ADK: variants seen among roughly 807,000 people sequenced by gnomAD.
ADK encodes the protein adenosine kinase.
In ADK, 24 loss-of-function variants were observed where a neutral mutation model predicts 44.7. The observed-to-expected ratio is 0.54, with a 90% CI of 0.39 to 0.76. ADK has a LOEUF of 0.76. ADK is among the 30% of genes least tolerant of loss of function. The pLI is 0.00. For synonymous variants in ADK, 128 were observed against 142.6 expected (o/e 0.90, Z 0.73); for missense variants, 321 against 425.1 (o/e 0.76, Z 2.15).
At chr10:74,653,225 G>A (rs1191595780) in intron 9 of ADK, among the ~76,000 whole-genome samples, 3 of 152,080 alleles carry the variant, frequency 2.0e-5, no homozygotes, top group African/African-American at 7.2e-5. Flanking sequence ...GCTGAGGTGG[G>A]CAGATCACTT....
In ADK at chr10:74,515,298, G is replaced by A. The variant is rs139802004; in HGVS notation, c.556-9958G>A. Among the ~76,000 whole-genome samples, 637 of 152,246 alleles carry A rather than the reference G, an allele frequency of 4.2e-3. 1 individual carries two copies. The highest frequency in any genetic ancestry group is 0.02 in the Middle Eastern group (6 of 294). ...ATGGGCTGAGAGAGTTTGTGGCAAT[G>A]GTGATGCCACTTTGCCAGGGGTGGG... is the stretch of plus-strand genomic sequence containing the variant. On this transcript the variant is annotated intron_variant, in intron 6 of 10. Transcript: ENST00000539909.
chr10:74,485,784 T>G, intron 6 of ADK, among the ~76,000 whole-genome samples: 1 of 152,168 alleles, frequency 6.6e-6, no homozygotes, highest in East Asian at 1.9e-4. Context: ...ACTTAAAATG[T>G]AAATGGAGGT....
intron 1 of ADK, among the ~76,000 whole-genome samples, chr10:74,156,890 C>T (rs957095347): frequency 1.3e-5 from 2 of 152,150 alleles, no homozygotes; most frequent in Non-Finnish European, 2.9e-5. Flanking sequence ...TATAGATATA[C>T]TCAAGAACAA....
chr10:74,236,611 C>T (rs1027358281), intron 3 of ADK, among the ~76,000 whole-genome samples: 3 of 152,134 alleles, frequency 2.0e-5, no homozygotes, highest in Non-Finnish European at 4.4e-5. Flanking sequence ...CAAATCTACC[C>T]TTCATTATCC....
chr10:74,385,121 A>G (rs1280557385), intron 4 of ADK, among the ~76,000 whole-genome samples: 1 of 152,222 alleles, frequency 6.6e-6, no homozygotes, highest in East Asian at 1.9e-4. Flanking sequence ...CTATGTGAAT[A>G]AACAGGAAAC....
intron 3 of ADK, among the ~76,000 whole-genome samples, chr10:74,262,349 A>G (rs1214508143): frequency 6.6e-6 from 1 of 151,162 alleles, no homozygotes; most frequent in Non-Finnish European, 1.5e-5. Flanking sequence ...CTCCTCACAT[A>G]TATTATCTTT....
At chr10:74,613,085 C>T (rs768403384) in intron 9 of ADK, among the ~76,000 whole-genome samples, 1 of 151,992 alleles carries the variant, frequency 6.6e-6, no homozygotes, top group Non-Finnish European at 1.5e-5. Flanking sequence ...TCGTTTTTTG[C>T]TTAGGATTGC....
intron 4 of ADK, among the ~76,000 whole-genome samples, chr10:74,341,984 A>G (rs1317775923): frequency 6.6e-6 from 1 of 152,066 alleles, no homozygotes; most frequent in African/African-American, 2.4e-5. Context: ...AGGAAATTAA[A>G]TTGTTCTTTG....
In ADK at chr10:74,525,239, C is replaced by CT. The variant is rs1322288755; in HGVS notation, c.556-11dup. 1.2e-6 allele frequency: 2 copies of CT among 1,612,598 alleles called. No homozygotes were observed. Among genetic ancestry groups the CT allele is most frequent in the Admixed American group, 3.3e-5 (2 of 59,984 alleles). ...GAGATGGTATTTCTAATTTTCCCTC[C>CT]TTTTTTCTTCATCCAGGGCTTTTTT... On this transcript the variant is annotated splice_polypyrimidine_tract_variant and intron_variant, in intron 6 of 10. Coordinates refer to ENST00000539909, the MANE Select transcript of ADK (RefSeq NM_006721.4).
At chr10:74,402,550 G>A (rs188312800) in intron 6 of ADK, among the ~76,000 whole-genome samples, 2 of 152,120 alleles carry the variant, frequency 1.3e-5, no homozygotes, top group East Asian at 3.9e-4. Context: ...ACTGAAGCTT[G>A]TGCATGTGTC....
At position 74,325,613 on chromosome 10, in the gene ADK, G is replaced by T. The variant is rs11819074; in HGVS notation, c.273+10868G>T. Among the ~76,000 whole-genome samples, 796 of 152,192 alleles carry T rather than the reference G, an allele frequency of 5.2e-3. 12 individuals carry two copies. The highest frequency in any genetic ancestry group is 0.017 in the African/African-American group (722 of 41,520). On this transcript the variant is annotated intron_variant, in intron 4 of 10. Transcript: ENST00000539909. ...TTCCCCATTCAGAATAATAGCTTTGGATTTTTCATATATGGCCTTTATTGT... is the reference window on the plus strand; with the variant it reads ...TTCCCCATTCAGAATAATAGCTTTGTATTTTTCATATATGGCCTTTATTGT...
intron 3 of ADK, among the ~76,000 whole-genome samples, chr10:74,279,747 T>C (rs184143870): frequency 1.1e-3 from 165 of 152,126 alleles, no homozygotes; most frequent in African/African-American, 3.9e-3. Flanking sequence ...TTTAAAAACA[T>C]TTGTGGCCAA....
intron 6 of ADK, among the ~76,000 whole-genome samples, chr10:74,514,938 C>T (rs1161324382): frequency 6.6e-6 from 1 of 152,274 alleles, no homozygotes; most frequent in East Asian, 1.9e-4. Flanking sequence ...GATCCTCCCA[C>T]CTCAACTCCC....
intron 3 of ADK, among the ~76,000 whole-genome samples, chr10:74,272,365 T>C (rs540121816): frequency 2.2e-4 from 34 of 152,160 alleles, no homozygotes; most frequent in Admixed American, 1.3e-3. Context: ...CATGTCAACC[T>C]CCTGGGCTCA....
intron 6 of ADK, among the ~76,000 whole-genome samples, chr10:74,469,653 C>A (rs894308912): frequency 6.6e-6 from 1 of 152,150 alleles, no homozygotes; most frequent in East Asian, 1.9e-4. Flanking sequence ...CATAAGCCAC[C>A]GTGCCCAGTC....
chr10:74,695,616 T>TG (rs796902967), intron 10 of ADK, among the ~76,000 whole-genome samples: 6 of 21,452 alleles, frequency 2.8e-4, no homozygotes, highest in Non-Finnish European at 5.2e-4. Context: ...TGTGTATGTG[T>TG]GGGGTGTGTG....
At chr10:74,354,212 T>A (rs1217790054) in intron 4 of ADK, among the ~76,000 whole-genome samples, 1 of 152,232 alleles carries the variant, frequency 6.6e-6, no homozygotes, top group Non-Finnish European at 1.5e-5. Context: ...TTAGTTCTTG[T>A]CTGAGGCCAG....
At chr10:74,657,598 A>T (rs1854533677) in intron 9 of ADK, among the ~76,000 whole-genome samples, 1 of 152,228 alleles carries the variant, frequency 6.6e-6, no homozygotes, top group Non-Finnish European at 1.5e-5. Context: ...TTCATACTGT[A>T]CTAGATTCTG....
At chr10:74,460,624 G>A (rs1846142698) in intron 6 of ADK, among the ~76,000 whole-genome samples, 2 of 151,644 alleles carry the variant, frequency 1.3e-5, no homozygotes, top group Admixed American at 1.3e-4. Context: ...TGTCTCTCTG[G>A]GGCCAGATTA....
Sources: gnomAD v4.1 joint callset for allele counts (sites outside exome capture counted in the v4.1 genomes callset) on GRCh38, gnomAD v4.1.1 for gene constraint, MANE v1.5 for transcripts, NCBI Gene and HGNC (gene_info 2026-07-23, HGNC 2026-07-21) for gene names.